MYO16: variants seen among roughly 807,000 people sequenced by gnomAD.
MYO16 encodes unconventional myosin-XVI.
Under a neutral mutation model 205.3 loss-of-function variants are expected in MYO16, and 94 were observed. The observed-to-expected ratio is 0.46, with a 90% confidence interval of 0.39 to 0.54. The LOEUF is 0.54. MYO16 is among the 20% of genes least tolerant of loss of function. MYO16 has a pLI of 0.00. For synonymous variants in MYO16, 988 were observed against 954.0 expected (o/e 1.04, Z -0.66); for missense variants, 2,315 against 2,387.5 (o/e 0.97, Z 0.63).
At chr13:109,179,858 A>G (rs563843543) in intron 34 of MYO16, among the ~76,000 whole-genome samples, 3 of 152,206 alleles carry the variant, frequency 2.0e-5, no homozygotes, top group Admixed American at 2.0e-4. Flanking sequence ...AACAACTAAA[A>G]CATAATAGTT....
At chr13:108,717,629 CAAAAAAAAA>C (rs59387181) in intron 3 of MYO16, among the ~76,000 whole-genome samples, 1 of 96,408 alleles carries the variant, frequency 1.0e-5, no homozygotes, top group South Asian at 3.3e-4. Flanking sequence ...GACTCCATCT[CAAAAAAAAA>C]AAAAAAAAAA....
At chr13:108,936,952 G>A (rs1443931228) in intron 16 of MYO16, among the ~76,000 whole-genome samples, 1 of 152,096 alleles carries the variant, frequency 6.6e-6, no homozygotes, top group Non-Finnish European at 1.5e-5. Flanking sequence ...TGTGTACTAT[G>A]TACTTAAGTG....
chr13:109,200,157 G>C lies in MYO16; in HGVS notation c.5416-6452G>C, dbSNP rs113352226. Among the ~76,000 whole-genome samples the C allele has an allele frequency of 5.4e-3, 826 of 152,224 alleles. 9 individuals carry two copies. Among genetic ancestry groups the C allele is most frequent in the African/African-American group, 0.018 (765 of 41,544 alleles). On this transcript the variant is annotated intron_variant, in intron 34 of 34. Transcript: ENST00000457511. ...TGATGATTTTAAAATGCCCTCTCAG[G>C]TAGGTTGAAGGTAGTGGCCTATCAT...
intron 23 of MYO16, among the ~76,000 whole-genome samples, chr13:109,040,385 C>CACACACACAGAG (rs1394314811): frequency 2.1e-4 from 24 of 113,288 alleles, no homozygotes; most frequent in Admixed American, 2.0e-3. Flanking sequence ...CACACACACA[C>CACACACACAGAG]AGAGAGAGAG....
At chr13:108,764,320 T>C (rs1460429294) in intron 4 of MYO16, among the ~76,000 whole-genome samples, 1 of 152,170 alleles carries the variant, frequency 6.6e-6, no homozygotes, top group Non-Finnish European at 1.5e-5. Flanking sequence ...ATGCGACACA[T>C]TGAGAGACAG....
chr13:108,664,387 C>A (rs1881633362), intron 1 of MYO16, among the ~76,000 whole-genome samples: 1 of 152,050 alleles, frequency 6.6e-6, no homozygotes, highest in Admixed American at 6.6e-5. Flanking sequence ...GCCTCTTTAA[C>A]CTTAGACAAG....
In MYO16 at chr13:109,047,004, T is replaced by C. The variant is rs766909255; in HGVS notation, c.2872+13T>C. The stretch of plus-strand genomic sequence containing the variant: ...TTTGTAATGAAAAGTAAGTTGATTT[T>C]TTTTCCTGCCCTACACTGGTTAAAA... On this transcript the variant is annotated intron_variant, in intron 24 of 34. Transcript: ENST00000457511. 5 of 1,576,772 alleles carry C rather than the reference T, an allele frequency of 3.2e-6. No homozygotes were observed. The African/African-American group carries it at 5.4e-5, about 17-fold the overall frequency.
At position 109,206,644 on chromosome 13, in the gene MYO16, T is replaced by C. The variant is rs765649652; in HGVS notation, c.5451T>C (p.Ser1817=). 2.5e-6 allele frequency: 4 copies of C among 1,614,002 alleles called. No individual in the cohort carries two copies. Among genetic ancestry groups the C allele is most frequent in the Non-Finnish European group, 3.4e-6 (4 of 1,179,902 alleles). The change falls in exon 35 of 35, where the codon AGT becomes AGC. Residue 1817 remains serine, a synonymous_variant. Transcript: ENST00000457511. ...IHQLRLSENE[S]VALQELLDWR... The stretch of plus-strand genomic sequence containing the variant: ...AGCTGAGGCTCTCAGAGAATGAAAG[T>C]GTGGCCCTGCAGGAACTCTTGGACT...
intron 16 of MYO16, among the ~76,000 whole-genome samples, chr13:108,937,092 C>T (rs1449642405): frequency 2.6e-5 from 4 of 152,084 alleles, no homozygotes; most frequent in Non-Finnish European, 4.4e-5. Context: ...TTTTATTTCC[C>T]CTTTGCTAAT....
intron 16 of MYO16, among the ~76,000 whole-genome samples, chr13:108,932,555 A>G (rs1476455161): frequency 6.6e-6 from 1 of 152,198 alleles, no homozygotes; most frequent in Non-Finnish European, 1.5e-5. Flanking sequence ...TAAAATGATC[A>G]GGTGACGTGT....
At chr13:108,595,359 C>T (rs1223647600), upstream of MYO16, among the ~76,000 whole-genome samples, 1 of 152,096 alleles carries the variant, frequency 6.6e-6, no homozygotes, top group East Asian at 1.9e-4. Flanking sequence ...AATCTCCCCA[C>T]CCCACATGGC....
chr13:108,833,198 A>G (rs1876718287), intron 9 of MYO16, among the ~76,000 whole-genome samples: 1 of 152,108 alleles, frequency 6.6e-6, no homozygotes, highest in South Asian at 2.1e-4. Context: ...GACACATTGA[A>G]AGTTTTATTT....
the MYO16 span, among the ~76,000 whole-genome samples, chr13:108,496,038 G>A: frequency 6.6e-6 from 1 of 152,144 alleles, no homozygotes; most frequent in Non-Finnish European, 1.5e-5. Context: ...CCGCCGGGCT[G>A]GGGACGCCGG....
In MYO16 at chr13:108,793,593, T is replaced by C. The variant is rs1167708965; in HGVS notation, c.694T>C (p.Ser232Pro). The change falls in exon 6 of 35, where the codon TCA becomes CCA. Residue 232 changes from serine to proline, a missense_variant. By Grantham distance (74) the Ser-to-Pro change is moderately conservative. Around this residue, in one of 3 missense-constraint regions of MYO16, gnomAD observed 1,213 missense variants for 1,274.4 expected, o/e 0.95. Transcript: ENST00000457511. ...SMLTDVKHFL[S>P]SGGNVNEKND... ...GTTAACAGATGTCAAACACTTCTTA[T>C]CATCTGGAGGAAATGTCAATGAGAA... The C allele has an allele frequency of 6.2e-7, 1 of 1,613,710 alleles. No homozygotes were observed. Among genetic ancestry groups the C allele is most frequent in the Non-Finnish European group, 8.5e-7 (1 of 1,179,774 alleles).
At chr13:109,072,883 C>G (rs1219808690) in intron 27 of MYO16, among the ~76,000 whole-genome samples, 3 of 152,174 alleles carry the variant, frequency 2.0e-5, no homozygotes, top group Non-Finnish European at 4.4e-5. Flanking sequence ...TTCCTTCCAT[C>G]CTTTACTCTC....
chr13:108,683,577 C>T (rs867593489), intron 2 of MYO16, among the ~76,000 whole-genome samples: 6 of 152,112 alleles, frequency 3.9e-5, no homozygotes, highest in South Asian at 4.1e-4. Context: ...AGCACTGCCG[C>T]GTGATTGTGG....
rs114331532 is a variant in MYO16, at chr13:108,870,011, G to A, written c.1425+3769G>A. On this transcript the variant is annotated intron_variant, in intron 12 of 34. Transcript: ENST00000457511. ...TATATATATATTTCTTATCTCAGGAGAAATCTTTAGTAATTAAACCTTAAG... is the reference window on the plus strand; with the variant it reads ...TATATATATATTTCTTATCTCAGGAAAAATCTTTAGTAATTAAACCTTAAG... 2.8e-3 allele frequency among the ~76,000 whole-genome samples: 424 copies of A among 151,216 alleles called. 2 individuals are homozygous for A. The highest frequency in any genetic ancestry group is 9.2e-3 in the African/African-American group (379 of 41,366).
At chr13:108,660,315 A>G (rs1881447201) in intron 1 of MYO16, among the ~76,000 whole-genome samples, 1 of 152,108 alleles carries the variant, frequency 6.6e-6, no homozygotes, top group African/African-American at 2.4e-5. Flanking sequence ...TATAGTTTAA[A>G]TCCATTGTTT....
chr13:108,821,304 G>A (rs946817549), intron 8 of MYO16, among the ~76,000 whole-genome samples: 3 of 151,976 alleles, frequency 2.0e-5, no homozygotes, highest in African/African-American at 7.2e-5. Flanking sequence ...GTTATTTATT[G>A]GAATTAAGTA....
Sources: allele counts gnomAD v4.1 joint callset (sites outside exome capture counted in the v4.1 genomes callset), GRCh38; gene constraint gnomAD v4.1.1; regional missense constraint gnomAD v4.1.1; transcripts MANE v1.5; gene names NCBI Gene and HGNC (gene_info 2026-07-23, HGNC 2026-07-21).